Variants in ZNF516 observed in about 807,000 individuals in gnomAD.
ZNF516 encodes zinc finger protein 516.
A neutral mutation model predicts 79.7 loss-of-function variants in ZNF516; 19 were observed. The observed-to-expected ratio is 0.24, with a 90% CI of 0.17 to 0.35. The LOEUF (loss-of-function observed/expected upper bound fraction) is 0.35. ZNF516 is among the 10% of genes least tolerant of loss of function. The pLI, the probability that ZNF516 is intolerant of heterozygous loss-of-function variation, is 1.00. For synonymous variants in ZNF516, 877 were observed against 739.5 expected (o/e 1.19, Z -3.02); for missense variants, 1,678 against 1,679.5 (o/e 1.00, Z 0.02).
intron 1 of ZNF516, among the ~76,000 whole-genome samples, chr18:76,472,456 T>G (rs189362990): frequency 6.6e-6 from 1 of 152,250 alleles, no homozygotes; most frequent in Non-Finnish European, 1.5e-5. Flanking sequence ...TATTCACATA[T>G]GCATGTATGT....
Position 76,441,373 on chromosome 18 carries a change from T to G in ZNF516, c.1682A>C (p.Glu561Ala). 1.2e-6 allele frequency: 2 copies of G among 1,610,886 alleles called. No individual in the cohort carries two copies. Among genetic ancestry groups the G allele is most frequent in the Non-Finnish European group, 1.7e-6 (2 of 1,179,124 alleles). The change falls in exon 3 of 7, where the codon GAG becomes GCG. Residue 561 changes from glutamate (E) to alanine (A), a missense_variant. This residue lies in a region of ZNF516 where 1,294 missense variants were observed against 1,248.3 expected (regional missense o/e 1.04). Transcript: ENST00000443185. ...AARARCGSLS[E>A]GDSASQPSSP... The stretch of plus-strand genomic sequence containing the variant: ...GCTGGGCTGGGAGGCCGAGTCACCC[T>G]CACTGAGTGATCCGCAGCGGGCCCG...
chr18:76,495,453 A>C (rs1807404594), upstream of ZNF516: 1 of 151,076 alleles, frequency 6.6e-6, no homozygotes, highest in African/African-American at 2.4e-5. Context: ...GGCTTCCCCC[A>C]GCCTGGAAAT....
intron 3 of ZNF516, among the ~76,000 whole-genome samples, chr18:76,437,785 T>C (rs570357368): frequency 1.3e-5 from 2 of 152,338 alleles, no homozygotes; most frequent in African/African-American, 2.4e-5. Context: ...AAAAAAAGCC[T>C]GTATATGTTC....
At chr18:76,428,514 T>A (rs1183318889) in intron 3 of ZNF516, among the ~76,000 whole-genome samples, 1 of 152,048 alleles carries the variant, frequency 6.6e-6, no homozygotes, top group Non-Finnish European at 1.5e-5. Flanking sequence ...ACCTGAACAA[T>A]GATCAACAGG....
chr18:76,441,831 A>G lies in ZNF516; in HGVS notation c.1224T>C (p.Ala408=), dbSNP rs1230248199. Residue 408 remains alanine (A), a synonymous_variant, in exon 3 of 7, where the codon GCT becomes GCC. Coordinates refer to ENST00000443185, the MANE Select transcript of ZNF516 (RefSeq NM_014643.4). The stretch of plus-strand genomic sequence containing the variant: ...GGTAGCTGTTGACCGGGTCCAGCTC[A>G]GCCACCCGCCGTCCGGCCTGCGTGC... ...CPGTQAGRRV[A]ELDPVNSYQA... The G allele has an allele frequency of 3.2e-6, 5 of 1,567,232 alleles. No homozygotes were observed. Among genetic ancestry groups the G allele is most frequent in the Non-Finnish European group, 4.3e-6 (5 of 1,163,622 alleles).
chr18:76,377,035 A>G (rs1393687498), intron 4 of ZNF516, among the ~76,000 whole-genome samples: 1 of 152,228 alleles, frequency 6.6e-6, no homozygotes, highest in African/African-American at 2.4e-5. Context: ...CTTGTTTTCC[A>G]CTTAGCAGCA....
intron 2 of ZNF516, among the ~76,000 whole-genome samples, chr18:76,455,274 G>A (rs757542363): frequency 9.2e-5 from 14 of 152,332 alleles, no homozygotes; most frequent in South Asian, 2.1e-4. Flanking sequence ...ACGGGTTTAC[G>A]CAGTGGAAGA....
At chr18:76,492,621 G>A (rs1833491621) in intron 1 of ZNF516, 2 of 672,504 alleles carry the variant, frequency 3.0e-6, no homozygotes, top group Admixed American at 6.3e-5. Context: ...CCGGGCGAGT[G>A]GGTTCCATCA....
chr18:76,480,344 T>C (rs1036549081), intron 1 of ZNF516, among the ~76,000 whole-genome samples: 4 of 152,230 alleles, frequency 2.6e-5, no homozygotes, highest in Non-Finnish European at 5.9e-5. Flanking sequence ...AGACATAGCG[T>C]GCATGGTACT....
chr18:76,405,240 TC>T (rs5826455), intron 3 of ZNF516, among the ~76,000 whole-genome samples: 2,854 of 138,700 alleles, frequency 0.021, 39 homozygotes, highest in Non-Finnish European at 0.032. Flanking sequence ...ACAGACTGTG[TC>T]TTTTTTGAGA....
chr18:76,408,197 T>A (rs1048481320), intron 3 of ZNF516, among the ~76,000 whole-genome samples: 2 of 152,162 alleles, frequency 1.3e-5, no homozygotes, highest in African/African-American at 4.8e-5. Context: ...ACCAGGAAAG[T>A]AGACCTTGCA....
chr18:76,390,785 T>C (rs79251020), intron 3 of ZNF516, among the ~76,000 whole-genome samples: 1,767 of 152,300 alleles, frequency 0.012, 35 homozygotes, highest in African/African-American at 0.04. Flanking sequence ...GATAAACACA[T>C]GACACTTTCC....
At chr18:76,404,324 G>A (rs1447017883) in intron 3 of ZNF516, among the ~76,000 whole-genome samples, 1 of 134,540 alleles carries the variant, frequency 7.4e-6, no homozygotes, top group Non-Finnish European at 1.7e-5. Context: ...CTTCGTGCAT[G>A]TGGACCGTGT....
intron 3 of ZNF516, among the ~76,000 whole-genome samples, chr18:76,404,684 T>G (rs1006003315): frequency 6.6e-6 from 1 of 152,004 alleles, no homozygotes; most frequent in Non-Finnish European, 1.5e-5. Flanking sequence ...TTTGTGCCTG[T>G]GAGCATGAGT....
chr18:76,366,339 CA>C (rs1168109978), intron 6 of ZNF516, among the ~76,000 whole-genome samples: 2 of 152,300 alleles, frequency 1.3e-5, no homozygotes, highest in East Asian at 3.9e-4. Flanking sequence ...AGTTGTTCTA[CA>C]AAAACCAACC....
chr18:76,439,979 T>A (rs1056613037), intron 3 of ZNF516, among the ~76,000 whole-genome samples: 3 of 152,190 alleles, frequency 2.0e-5, no homozygotes, highest in Admixed American at 6.5e-5. Context: ...GTTCATTGAA[T>A]GAGCACAGCA....
chr18:76,395,970 C>A (rs1335959967), intron 3 of ZNF516, among the ~76,000 whole-genome samples: 2 of 152,232 alleles, frequency 1.3e-5, no homozygotes, highest in East Asian at 3.8e-4. Context: ...TTCTTCCCAG[C>A]ATCCACGCTC....
In ZNF516 at chr18:76,379,194, G is replaced by A. The variant is rs748146461; in HGVS notation, c.2920C>T (p.Leu974=). 3.8e-5 allele frequency: 61 copies of A among 1,612,782 alleles called. No homozygotes were observed. The highest frequency in any genetic ancestry group is 4.9e-5 in the Non-Finnish European group (58 of 1,179,770). The change falls in exon 4 of 7, where the codon CTG becomes TTG. Residue 974 remains leucine, a synonymous_variant. Coordinates refer to ENST00000443185, the MANE Select transcript of ZNF516 (RefSeq NM_014643.4). ...GGCTGAGCACTGAATTTGGCTTTCA[G>A]GGAGTCCGGGGCACTGTGCTTATTT... The part of the protein sequence containing the change: ...PTNKHSAPDS[L]KAKFSAQPQG...
chr18:76,491,038 G>C (rs147349878), intron 1 of ZNF516: 1 of 985,056 alleles, frequency 1.0e-6, no homozygotes, highest in Non-Finnish European at 1.2e-6. Flanking sequence ...CCCCAAATCC[G>C]CTCGCGGGCG....
Sources: gnomAD v4.1 joint callset for allele counts (sites outside exome capture counted in the v4.1 genomes callset) on GRCh38, gnomAD v4.1.1 for gene constraint, gnomAD v4.1.1 regional missense constraint, MANE v1.5 for transcripts, NCBI Gene and HGNC (gene_info 2026-07-23, HGNC 2026-07-21) for gene names.